The following SUPT3H variants were observed in gnomAD, a reference collection of about 807,000 sequenced individuals.
SUPT3H encodes the protein SPT3 homolog, SAGA and STAGA complex component.
SUPT3H carries 44 observed loss-of-function variants against 44.3 expected under a neutral mutation model. That is an observed-to-expected ratio of 0.99 (90% CI 0.78 to 1.28). The LOEUF (loss-of-function observed/expected upper bound fraction) is 1.28, where lower values mean the gene tolerates loss of function less well. Among genes scored for constraint, SUPT3H ranks in the 50% most tolerant of loss-of-function variants. SUPT3H has a pLI of 0.00. For missense variants in SUPT3H, 380 were observed against 387.1 expected (o/e 0.98, Z 0.15); for synonymous variants, 124 against 125.6 (o/e 0.99, Z 0.09).
At chr6:45,011,128 T>C (rs2153511245) in intron 5 of SUPT3H, among the ~76,000 whole-genome samples, 1 of 152,220 alleles carries the variant, frequency 6.6e-6, no homozygotes, top group Non-Finnish European at 1.5e-5. Flanking sequence ...GGCATTCTGT[T>C]GAGGATTTTT....
chr6:44,923,354 C>T (rs1251987047), intron 10 of SUPT3H, among the ~76,000 whole-genome samples: 3 of 152,024 alleles, frequency 2.0e-5, no homozygotes, highest in Non-Finnish European at 4.4e-5. Context: ...ATTCTAGGGT[C>T]TCCATAGATG....
intron 6 of SUPT3H, among the ~76,000 whole-genome samples, chr6:44,988,303 T>C (rs1265627541): frequency 6.6e-6 from 1 of 151,904 alleles, no homozygotes; most frequent in Non-Finnish European, 1.5e-5. Flanking sequence ...TACATATCAA[T>C]GTCACCAAGA....
intron 2 of SUPT3H, among the ~76,000 whole-genome samples, chr6:45,351,921 C>T (rs777971991): frequency 5.3e-5 from 8 of 152,140 alleles, no homozygotes; most frequent in Non-Finnish European, 4.4e-5. Context: ...GAGTCACTGA[C>T]AACTTAGGCA....
chr6:45,111,792 G>C (rs1396767379), intron 2 of SUPT3H, among the ~76,000 whole-genome samples: 6 of 151,680 alleles, frequency 4.0e-5, no homozygotes, highest in Non-Finnish European at 8.8e-5. Context: ...TGTAGTCACG[G>C]CCCCCCCACC....
intron 2 of SUPT3H, among the ~76,000 whole-genome samples, chr6:45,134,016 T>G (rs991536865): frequency 1.3e-5 from 2 of 152,200 alleles, no homozygotes; most frequent in Non-Finnish European, 2.9e-5. Context: ...TAATAAAGTT[T>G]GTTCCTGTCT....
chr6:45,117,136 T>C (rs1800964891), intron 2 of SUPT3H, among the ~76,000 whole-genome samples: 1 of 152,108 alleles, frequency 6.6e-6, no homozygotes, highest in Admixed American at 6.6e-5. Context: ...TATAAAACTT[T>C]TAGTAAACAA....
At chr6:45,334,757 C>T (rs868218541) in intron 2 of SUPT3H, among the ~76,000 whole-genome samples, 7 of 149,814 alleles carry the variant, frequency 4.7e-5, no homozygotes, top group South Asian at 2.1e-4. Context: ...TGATTATAAA[C>T]CAGGAAAAAA....
chr6:45,057,504 AC>A (rs1222704346), intron 3 of SUPT3H, among the ~76,000 whole-genome samples: 46 of 152,246 alleles, frequency 3.0e-4, no homozygotes, highest in African/African-American at 9.9e-4. Flanking sequence ...AAACAAAAAA[AC>A]AAAACAAAAA....
intron 3 of SUPT3H, among the ~76,000 whole-genome samples, chr6:45,044,267 G>A (rs1789034951): frequency 6.6e-6 from 1 of 152,084 alleles, no homozygotes; most frequent in African/African-American, 2.4e-5. Context: ...CACAAATCCT[G>A]CTTTGTATGC....
At chr6:44,904,454 A>G (rs899820775) in intron 10 of SUPT3H, among the ~76,000 whole-genome samples, 1 of 152,326 alleles carries the variant, frequency 6.6e-6, no homozygotes, top group Admixed American at 6.5e-5. Flanking sequence ...TAGGAATCCA[A>G]CTTACAAGGG....
chr6:45,010,312 T>C (rs887867675), intron 5 of SUPT3H, among the ~76,000 whole-genome samples: 2 of 152,144 alleles, frequency 1.3e-5, no homozygotes, highest in Non-Finnish European at 2.9e-5. Flanking sequence ...TTTTCTAATC[T>C]GGATGCCCTT....
chr6:45,259,643 T>G (rs1774022933), intron 2 of SUPT3H, among the ~76,000 whole-genome samples: 2 of 152,124 alleles, frequency 1.3e-5, no homozygotes, highest in African/African-American at 4.8e-5. Context: ...ATATTTGTGC[T>G]GGGAAATGTG....
chr6:45,055,686 G>A (rs1382710107), intron 3 of SUPT3H, among the ~76,000 whole-genome samples: 1 of 152,120 alleles, frequency 6.6e-6, no homozygotes, highest in African/African-American at 2.4e-5. Context: ...ATGGATCAAA[G>A]ACTTAAATCT....
chr6:44,874,625 A>T (rs1776934914), intron 10 of SUPT3H, among the ~76,000 whole-genome samples: 1 of 90,278 alleles, frequency 1.1e-5, no homozygotes, highest in Admixed American at 1.4e-4. Flanking sequence ...ACTCCTATTC[A>T]ACATAGTGTT....
intron 2 of SUPT3H, among the ~76,000 whole-genome samples, chr6:45,320,131 T>A (rs1785256401): frequency 6.6e-6 from 1 of 152,076 alleles, no homozygotes; most frequent in African/African-American, 2.4e-5. Context: ...CACGTAACAA[T>A]ATTATTAAAA....
chr6:45,260,903 C>T (rs1205008352), intron 2 of SUPT3H, among the ~76,000 whole-genome samples: 5 of 152,108 alleles, frequency 3.3e-5, no homozygotes, highest in African/African-American at 1.2e-4. Context: ...TTTGACCCAG[C>T]TGCGTCAGGT....
chr6:44,887,875 G>C (rs1489212651), intron 10 of SUPT3H, among the ~76,000 whole-genome samples: 1 of 151,884 alleles, frequency 6.6e-6, no homozygotes. Context: ...CTGCTAGCAA[G>C]ACTAATAAAG....
intron 3 of SUPT3H, among the ~76,000 whole-genome samples, chr6:45,100,428 T>C (rs1014412947): frequency 4.7e-5 from 7 of 149,668 alleles, no homozygotes; most frequent in African/African-American, 1.5e-4. Flanking sequence ...AAAGACACAG[T>C]TGGGTGCAGT....
intron 3 of SUPT3H, among the ~76,000 whole-genome samples, chr6:45,054,533 G>A (rs1790814015): frequency 6.6e-6 from 1 of 151,996 alleles, no homozygotes; most frequent in Non-Finnish European, 1.5e-5. Flanking sequence ...AAATTTATAT[G>A]AAATAAATGT....
Sources: gnomAD v4.1 joint callset for allele counts (sites outside exome capture counted in the v4.1 genomes callset) on GRCh38, gnomAD v4.1.1 for gene constraint, MANE v1.5 for transcripts, NCBI Gene and HGNC (gene_info 2026-07-23, HGNC 2026-07-21) for gene names.